The following CAPS2 variants were observed in gnomAD, a reference collection of about 807,000 sequenced individuals.
CAPS2 encodes calcyphosin-2.
CAPS2 carries 98 observed loss-of-function variants against 86.5 expected under a neutral mutation model. That is an observed-to-expected ratio of 1.13 (90% CI 0.96 to 1.34). CAPS2 has a LOEUF of 1.34. Ranked by LOEUF, CAPS2 falls within the 40% of genes most tolerant of loss-of-function variation. The pLI is 0.00. For synonymous variants in CAPS2, 210 were observed against 225.1 expected (o/e 0.93, Z 0.60); for missense variants, 729 against 686.8 (o/e 1.06, Z -0.69).
At chr12:75,288,956 G>A (rs914281655) in intron 14 of CAPS2, among the ~76,000 whole-genome samples, 1 of 152,162 alleles carries the variant, frequency 6.6e-6, no homozygotes, top group African/African-American at 2.4e-5. Context: ...AGACAGAAGT[G>A]TCAGGGTAAT....
chr12:75,302,598 G>T (rs2037948868), intron 8 of CAPS2, among the ~76,000 whole-genome samples: 1 of 152,214 alleles, frequency 6.6e-6, no homozygotes, highest in East Asian at 1.9e-4. Context: ...ATAATCAAGA[G>T]AATGAAAAGG....
At chr12:75,372,906 G>A (rs1348875209) in intron 1 of CAPS2, among the ~76,000 whole-genome samples, 2 of 152,202 alleles carry the variant, frequency 1.3e-5, no homozygotes, top group East Asian at 3.9e-4. Flanking sequence ...AAGACATTCT[G>A]CAAGTCCACA....
chr12:75,376,416 C>T (rs952421981), intron 1 of CAPS2, among the ~76,000 whole-genome samples: 1 of 152,106 alleles, frequency 6.6e-6, no homozygotes, highest in Admixed American at 6.5e-5. Flanking sequence ...ATGGGTCACA[C>T]CCTGAACCTT....
chr12:75,300,793 A>C (rs2037720633), intron 8 of CAPS2, among the ~76,000 whole-genome samples: 1 of 152,084 alleles, frequency 6.6e-6, no homozygotes, highest in South Asian at 2.1e-4. Flanking sequence ...AGATATAGGA[A>C]AGCCAGCCTA....
intron 1 of CAPS2, chr12:75,360,569 T>G (rs992201880): frequency 1.3e-5 from 2 of 152,248 alleles, no homozygotes; most frequent in Non-Finnish European, 2.9e-5. Context: ...ATGTCTCATA[T>G]CGGGGGCATG....
At chr12:75,305,429 T>C (rs1231171043) in intron 7 of CAPS2, 1 of 467,778 alleles carries the variant, frequency 2.1e-6, no homozygotes, top group Non-Finnish European at 4.0e-6. Flanking sequence ...CAGAGGCTCT[T>C]GTCAGAGGGC....
chr12:75,321,270 T>C (rs1437565892), intron 5 of CAPS2, 130 bp downstream of exon 5: 4 of 605,950 alleles, frequency 6.6e-6, no homozygotes, highest in Non-Finnish European at 1.1e-5. Context: ...GTCCTTGATA[T>C]GCAGAAATAA....
chr12:75,317,273 A>G (rs960689927), intron 5 of CAPS2, among the ~76,000 whole-genome samples: 1 of 152,178 alleles, frequency 6.6e-6, no homozygotes, highest in Admixed American at 6.5e-5. Context: ...TATTCAATAA[A>G]TGAATAATGA....
intron 1 of CAPS2, among the ~76,000 whole-genome samples, chr12:75,337,351 T>C (rs1231577987): frequency 6.6e-6 from 1 of 151,320 alleles, no homozygotes; most frequent in Non-Finnish European, 1.5e-5. Flanking sequence ...AAACCAGTAG[T>C]AAAAAAAAGA....
chr12:75,375,020 T>A (rs1371065915), intron 1 of CAPS2, among the ~76,000 whole-genome samples: 1 of 152,166 alleles, frequency 6.6e-6, no homozygotes, highest in African/African-American at 2.4e-5. Flanking sequence ...TCCTTCATGG[T>A]GGCACTAATC....
Position 75,299,923 on chromosome 12 carries a change from T to C in CAPS2, c.780-12A>G. 2 of 1,203,822 alleles carry C rather than the reference T, an allele frequency of 1.7e-6. No individual in the cohort carries two copies. The highest frequency in any genetic ancestry group is 3.5e-5 in the South Asian group (2 of 56,794). The allele number at this position is 1,203,822 out of a possible 1,614,324, so 74.6% of individuals were successfully genotyped here. A position where few individuals can be genotyped will look rare whatever the true frequency, so the allele number is the denominator to read the frequency against. ...AATGAGTTCTTATCCTGTTAAGAAA[T>C]ACATTTTGTCAGTAATTTTTCAAGA... On this transcript the variant is annotated splice_polypyrimidine_tract_variant and intron_variant, in intron 8 of 16. Transcript: ENST00000393284.
chr12:75,384,554 T>C (rs2045182256), intron 1 of CAPS2, among the ~76,000 whole-genome samples: 1 of 152,200 alleles, frequency 6.6e-6, no homozygotes, highest in Non-Finnish European at 1.5e-5. Context: ...ATAAATTCAC[T>C]GGTGAATTCT....
In CAPS2 at chr12:75,374,189, G is replaced by C. The variant is rs1313610462; in HGVS notation, c.-395+16649C>G. Among the ~76,000 whole-genome samples the C allele has an allele frequency of 2.6e-5, 4 of 152,296 alleles. No individual in the cohort carries two copies. In the East Asian group the frequency reaches 7.7e-4, roughly 29 times the overall value. On this transcript the variant is annotated intron_variant, in intron 1 of 5. Transcript: ENST00000551829. ...GCCTTAAGCATAATTGGATCTGCTG[G>C]GTCATATGGCCCAAATGGCAGAGAA...
intron 2 of CAPS2, among the ~76,000 whole-genome samples, 200 bp from the exon 4 acceptor site, chr12:75,323,422 T>C (rs377447626): frequency 8.4e-4 from 128 of 151,998 alleles, no homozygotes; most frequent in African/African-American, 2.9e-3. Flanking sequence ...AAAATACATA[T>C]AAATTTATAA....
At chr12:75,305,818 C>A in intron 7 of CAPS2, 1 of 738,898 alleles carries the variant, frequency 1.4e-6, no homozygotes. Context: ...GATGGAGGGG[C>A]ATATTCAGGC....
chr12:75,291,941 G>A, intron 12 of CAPS2, 121 bp from the exon 13 acceptor site: 1 of 383,524 alleles, frequency 2.6e-6, no homozygotes, highest in Non-Finnish European at 4.6e-6. Context: ...TTGGAAGAGT[G>A]CTTAGAATTT....
chr12:75,370,732 T>C (rs2044307356), intron 1 of CAPS2, among the ~76,000 whole-genome samples: 1 of 152,192 alleles, frequency 6.6e-6, no homozygotes, highest in Non-Finnish European at 1.5e-5. Context: ...TCTAGGAGAT[T>C]TATTTTTAAA....
chr12:75,288,882 T>C (rs1303497979), intron 14 of CAPS2, among the ~76,000 whole-genome samples: 1 of 151,994 alleles, frequency 6.6e-6, no homozygotes, highest in African/African-American at 2.4e-5. Context: ...CAAAGTGGCA[T>C]GAAAAAAAAT....
chr12:75,365,485 A>C (rs969785655), intron 1 of CAPS2, among the ~76,000 whole-genome samples: 1 of 152,174 alleles, frequency 6.6e-6, no homozygotes, highest in Non-Finnish European at 1.5e-5. Flanking sequence ...CTTCTTTTGC[A>C]TATAACTTTT....
Sources: allele counts gnomAD v4.1 joint callset (sites outside exome capture counted in the v4.1 genomes callset), GRCh38; gene constraint gnomAD v4.1.1; transcripts MANE v1.5; gene names NCBI Gene and HGNC (gene_info 2026-07-23, HGNC 2026-07-21).